CLRN1: variants seen among roughly 807,000 people sequenced by gnomAD.
CLRN1 encodes clarin-1.
CLRN1 carries 15 observed loss-of-function variants against 18.7 expected under a neutral mutation model. The ratio of observed to expected loss-of-function variants is 0.80; its 90% CI spans 0.54 to 1.23. The LOEUF (loss-of-function observed/expected upper bound fraction) is 1.23. CLRN1 is among the 50% of genes most tolerant of loss of function. The probability of loss-of-function intolerance (pLI) is 0.00; values close to 1 mark genes in which losing one functional copy is unlikely to be tolerated. For missense variants in CLRN1, 311 were observed against 277.5 expected (o/e 1.12, Z -0.86); for synonymous variants, 104 against 102.9 (o/e 1.01, Z -0.07).
intron 1 of CLRN1, among the ~76,000 whole-genome samples, chr3:150,969,419 C>T (rs1386242723): frequency 3.5e-5 from 5 of 142,090 alleles, no homozygotes; most frequent in East Asian, 2.2e-4. Flanking sequence ...CTCCACCTCC[C>T]GGGTTCGTGC....
rs570675989 is a variant in CLRN1 at position 150,963,442 on chromosome 3, A to G, written c.253+9014T>C. 5.6e-4 allele frequency among the ~76,000 whole-genome samples: 85 copies of G among 152,354 alleles called. 2 individuals carry two copies. The highest frequency in any genetic ancestry group is 1.9e-3 in the African/African-American group (79 of 41,580). On this transcript the variant is annotated intron_variant, in intron 1 of 2. Coordinates refer to ENST00000327047, the MANE Select transcript of CLRN1 (RefSeq NM_174878.3). ...ACACAAACAAATGGAAAAACATTCC[A>G]TGCTCACGGATAGGAAGAATTAATA...
At chr3:150,932,249 A>G (rs933298911) in intron 2 of CLRN1, among the ~76,000 whole-genome samples, 1 of 152,088 alleles carries the variant, frequency 6.6e-6, no homozygotes, top group Non-Finnish European at 1.5e-5. Flanking sequence ...TCCAGTCCTT[A>G]CTATATGGGG....
intron 1 of CLRN1, chr3:150,944,065 A>G: frequency 1.4e-6 from 1 of 734,834 alleles, no homozygotes; most frequent in Admixed American, 2.2e-5. Context: ...TGGGATTTTG[A>G]GTGATCTCTG....
At chr3:150,934,996 A>T (rs960339783) in intron 2 of CLRN1, among the ~76,000 whole-genome samples, 2 of 151,706 alleles carry the variant, frequency 1.3e-5, no homozygotes, top group Non-Finnish European at 2.9e-5. Context: ...GGACACTCAT[A>T]ATCTCCCAGT....
chr3:150,959,946 C>T (rs1001847754), intron 1 of CLRN1, among the ~76,000 whole-genome samples: 5 of 152,056 alleles, frequency 3.3e-5, no homozygotes, highest in Admixed American at 6.6e-5. Context: ...TGGCATTAAC[C>T]AGGAGTCTCA....
At chr3:150,943,664 A>G (rs934089362) in intron 1 of CLRN1, among the ~76,000 whole-genome samples, 5 of 152,194 alleles carry the variant, frequency 3.3e-5, no homozygotes, top group Non-Finnish European at 7.3e-5. Context: ...AAAGACTGTC[A>G]CCCTGGCCCT....
intron 1 of CLRN1, among the ~76,000 whole-genome samples, chr3:150,970,320 A>G (rs1283827424): frequency 6.6e-6 from 1 of 152,206 alleles, no homozygotes; most frequent in African/African-American, 2.4e-5. Flanking sequence ...CGTGAACCAC[A>G]AAGCTGCGTT....
chr3:150,972,756 G>A (rs1715615208), upstream of CLRN1: 1 of 1,613,618 alleles, frequency 6.2e-7, no homozygotes, highest in African/African-American at 1.3e-5. Context: ...CAAGACCTTT[G>A]TGAGCAATGG....
At chr3:150,939,046 G>A (rs903503861) in intron 2 of CLRN1, among the ~76,000 whole-genome samples, 14 of 152,176 alleles carry the variant, frequency 9.2e-5, no homozygotes, top group Admixed American at 2.6e-4. Flanking sequence ...AGCGCTAGAC[G>A]GCTGTTGCTG....
At chr3:150,944,749 C>T (rs897469946) in intron 1 of CLRN1, among the ~76,000 whole-genome samples, 15 of 149,194 alleles carry the variant, frequency 1.0e-4, no homozygotes, top group Admixed American at 4.0e-4. Flanking sequence ...AGTGAGAATC[C>T]GTCTCAAAAA....
intron 1 of CLRN1, among the ~76,000 whole-genome samples, chr3:150,968,150 C>T (rs1049701083): frequency 9.2e-5 from 14 of 152,084 alleles, no homozygotes; most frequent in African/African-American, 3.4e-4. Context: ...ATGAATAGAT[C>T]AGTATATCTA....
chr3:150,928,860 T>C (rs1036961571), intron 2 of CLRN1, among the ~76,000 whole-genome samples: 4 of 152,220 alleles, frequency 2.6e-5, no homozygotes, highest in Non-Finnish European at 5.9e-5. Context: ...TAAGGGTGGT[T>C]GGGAAGTATG....
intron 1 of CLRN1, among the ~76,000 whole-genome samples, chr3:150,967,669 C>T (rs554940878): frequency 6.6e-6 from 1 of 152,330 alleles, no homozygotes; most frequent in South Asian, 2.1e-4. Flanking sequence ...ACCTTTGTAG[C>T]TCTGCCATCG....
chr3:150,972,312 TCA>T, intron 1 of CLRN1, 142 bp downstream of exon 1: 1 of 947,760 alleles, frequency 1.1e-6, no homozygotes, highest in Non-Finnish European at 1.6e-6. Flanking sequence ...AAGAAATTGC[TCA>T]GAGTCATAGG....
chr3:150,926,490 AT>A, downstream of CLRN1: 2 of 398,952 alleles, frequency 5.0e-6, no homozygotes, highest in South Asian at 2.2e-5. Flanking sequence ...AAAAAAAAAA[AT>A]CCCCTTTGTG....
intron 1 of CLRN1, among the ~76,000 whole-genome samples, chr3:150,958,433 C>T (rs1714859847): frequency 1.3e-5 from 2 of 152,308 alleles, no homozygotes; most frequent in African/African-American, 4.8e-5. Context: ...TGCTTGCCTT[C>T]CTTAAAAGGC....
chr3:150,965,138 G>T (rs1213498306), intron 1 of CLRN1, among the ~76,000 whole-genome samples: 1 of 151,934 alleles, frequency 6.6e-6, no homozygotes, highest in Non-Finnish European at 1.5e-5. Context: ...TATTCTAAGG[G>T]GGCAAAATGT....
At chr3:150,957,648 T>C (rs1010837120) in intron 1 of CLRN1, among the ~76,000 whole-genome samples, 1 of 152,140 alleles carries the variant, frequency 6.6e-6, no homozygotes, top group African/African-American at 2.4e-5. Context: ...GACACATCTT[T>C]GTCTACTTTC....
At chr3:150,941,008 A>G (rs1343096975) in intron 2 of CLRN1, among the ~76,000 whole-genome samples, 1 of 152,034 alleles carries the variant, frequency 6.6e-6, no homozygotes, top group African/African-American at 2.4e-5. Context: ...ATTATTATGT[A>G]TAAATAATAG....
Sources: gnomAD v4.1 joint callset for allele counts (sites outside exome capture counted in the v4.1 genomes callset) on GRCh38, gnomAD v4.1.1 for gene constraint, MANE v1.5 for transcripts, NCBI Gene and HGNC (gene_info 2026-07-23, HGNC 2026-07-21) for gene names.